The following NOX4 variants were observed in gnomAD, a reference collection of about 807,000 sequenced individuals.
NOX4 encodes kidney oxidase-1.
NOX4 carries 69 observed loss-of-function variants against 87.6 expected under a neutral mutation model. The observed-to-expected ratio is 0.79, with a 90% CI of 0.65 to 0.96. The LOEUF (loss-of-function observed/expected upper bound fraction) is 0.96, where lower values mean the gene tolerates loss of function less well. NOX4 is among the 40% of genes least tolerant of loss of function. The pLI, the probability that NOX4 is intolerant of heterozygous loss-of-function variation, is 0.00. For synonymous variants in NOX4, 275 were observed against 238.2 expected, an observed-to-expected ratio of 1.15 and a Z score of -1.42; for missense variants, 680 against 681.5, an observed-to-expected ratio of 1.00 and a Z score of 0.02.
At chr11:89,446,092 T>C (rs1944688584) in intron 4 of NOX4, among the ~76,000 whole-genome samples, 1 of 152,082 alleles carries the variant, frequency 6.6e-6, no homozygotes, top group Admixed American at 6.6e-5. Flanking sequence ...GATATACAGA[T>C]GGCAAACAAG....
chr11:89,424,907 T>C (rs1943293409), intron 7 of NOX4, among the ~76,000 whole-genome samples: 1 of 152,108 alleles, frequency 6.6e-6, no homozygotes, highest in Non-Finnish European at 1.5e-5. Context: ...CCATGATTCA[T>C]TTAAGAATTT....
the NOX4 span, among the ~76,000 whole-genome samples, chr11:89,570,413 G>A: frequency 6.6e-6 from 1 of 152,142 alleles, no homozygotes; most frequent in Non-Finnish European, 1.5e-5. Context: ...TATTACCTGG[G>A]TGATGAAATA....
intron 11 of NOX4, among the ~76,000 whole-genome samples, chr11:89,392,307 G>A (rs1266503148): frequency 1.3e-5 from 2 of 152,038 alleles, no homozygotes; most frequent in African/African-American, 4.8e-5. Context: ...TCATACTGAG[G>A]GCTCCCTGGG....
intron 2 of NOX4, among the ~76,000 whole-genome samples, chr11:89,481,411 C>G (rs754151753): frequency 6.6e-6 from 1 of 151,926 alleles, no homozygotes; most frequent in Non-Finnish European, 1.5e-5. Context: ...GTGCTAAGCA[C>G]TTCACCTGCA....
intron 13 of NOX4, among the ~76,000 whole-genome samples, 153 bp from the exon 14 acceptor site, chr11:89,342,346 TAGCAA>T (rs1263636523): frequency 6.6e-6 from 1 of 152,104 alleles, no homozygotes; most frequent in Non-Finnish European, 1.5e-5. Context: ...CCTAAAGGAG[TAGCAA>T]ATGTTGCTTA....
At chr11:89,561,814 T>C in the NOX4 span, among the ~76,000 whole-genome samples, 1 of 151,926 alleles carries the variant, frequency 6.6e-6, no homozygotes, top group East Asian at 1.9e-4. Context: ...TGGCAATAAA[T>C]ACTGTGGAAA....
At chr11:89,348,706 G>A (rs781693889) in intron 13 of NOX4, among the ~76,000 whole-genome samples, 6 of 152,134 alleles carry the variant, frequency 3.9e-5, no homozygotes, top group South Asian at 4.1e-4. Flanking sequence ...ATGCACACAC[G>A]TGCTCCACAC....
intron 2 of NOX4, among the ~76,000 whole-genome samples, chr11:89,479,049 G>A (rs1946283596): frequency 6.6e-6 from 1 of 151,474 alleles, no homozygotes; most frequent in Non-Finnish European, 1.5e-5. Context: ...GAAAATCAGT[G>A]AGAAATAAAA....
At chr11:89,383,580 C>A (rs2135104722) in intron 11 of NOX4, among the ~76,000 whole-genome samples, 1 of 152,262 alleles carries the variant, frequency 6.6e-6, no homozygotes, top group East Asian at 1.9e-4. Flanking sequence ...TCCACATTAC[C>A]TTCTTTTCAA....
At chr11:89,543,299 T>C in the NOX4 span, among the ~76,000 whole-genome samples, 1 of 152,202 alleles carries the variant, frequency 6.6e-6, no homozygotes, top group East Asian at 1.9e-4. Flanking sequence ...TGATCAATCT[T>C]GACAGTTAGA....
At chr11:89,527,155 G>A in the NOX4 span, among the ~76,000 whole-genome samples, 11 of 152,176 alleles carry the variant, frequency 7.2e-5, no homozygotes, top group Non-Finnish European at 1.6e-4. Context: ...ACTTGAGAGA[G>A]ATGATTTAGG....
rs113717236 is a variant in NOX4 at position 89,454,487 on chromosome 11, T to C, written c.154-2592A>G. Among the ~76,000 whole-genome samples, 10 of 152,234 alleles carry C rather than the reference T, an allele frequency of 6.6e-5. 1 individual carries two copies. The highest frequency in any genetic ancestry group is 2.4e-4 in the African/African-American group (10 of 41,568). ...TTGAAAGCTTTCCAGATGATTCTAA[T>C]ATGCCACCTGGGTTGAACACCACTA... On this transcript the variant is annotated intron_variant, in intron 2 of 17. Transcript: ENST00000263317.
intron 13 of NOX4, among the ~76,000 whole-genome samples, chr11:89,354,476 G>C (rs1937840907): frequency 6.6e-6 from 1 of 152,046 alleles, no homozygotes. Flanking sequence ...CATTTCCCCT[G>C]TTTTCAATAC....
chr11:89,358,532 A>G (rs1938265681), intron 12 of NOX4, among the ~76,000 whole-genome samples: 1 of 151,498 alleles, frequency 6.6e-6, no homozygotes, highest in African/African-American at 2.4e-5. Context: ...AATGTGAACA[A>G]TTAATTTTAT....
At chr11:89,410,628 G>A (rs1942427173) in intron 8 of NOX4, among the ~76,000 whole-genome samples, 1 of 152,184 alleles carries the variant, frequency 6.6e-6, no homozygotes, top group Non-Finnish European at 1.5e-5. Context: ...ACAATGAAAA[G>A]CAACACCAGG....
chr11:89,378,688 T>C (rs912904319), intron 11 of NOX4, among the ~76,000 whole-genome samples: 4 of 152,080 alleles, frequency 2.6e-5, no homozygotes, highest in African/African-American at 9.7e-5. Flanking sequence ...AGAATTAACC[T>C]CCTATAAAAA....
chr11:89,451,749 A>C (rs763716148), intron 3 of NOX4, 36 bp downstream of exon 3: 1 of 1,391,076 alleles, frequency 7.2e-7, no homozygotes, highest in Non-Finnish European at 1.0e-6. Flanking sequence ...CTTGATTTTT[A>C]TGCTGGAATT....
At chr11:89,428,059 A>T (rs997704875) in intron 7 of NOX4, among the ~76,000 whole-genome samples, 2 of 152,224 alleles carry the variant, frequency 1.3e-5, no homozygotes, top group Admixed American at 6.5e-5. Flanking sequence ...AGTGAGGGCC[A>T]ACATTCAACA....
intron 2 of NOX4, among the ~76,000 whole-genome samples, chr11:89,471,646 C>T (rs777277131): frequency 8.5e-5 from 13 of 152,106 alleles, no homozygotes; most frequent in Non-Finnish European, 1.5e-4. Flanking sequence ...TCCATGGGAA[C>T]AAGACTGCAC....
Sources: allele counts gnomAD v4.1 joint callset (sites outside exome capture counted in the v4.1 genomes callset), GRCh38; gene constraint gnomAD v4.1.1; transcripts MANE v1.5; gene names NCBI Gene and HGNC (gene_info 2026-07-23, HGNC 2026-07-21).